Variants in PDE8A observed in about 807,000 individuals in gnomAD.
PDE8A encodes the protein high affinity cAMP-specific and IBMX-insensitive 3',5'-cyclic phosphodiesterase 8A.
In PDE8A, 59 loss-of-function variants were observed where a neutral mutation model predicts 105.0. The ratio of observed to expected loss-of-function variants is 0.56; its 90% confidence interval spans 0.46 to 0.70. The LOEUF (loss-of-function observed/expected upper bound fraction) is 0.70, where lower values mean the gene tolerates loss of function less well. Among genes scored for constraint, PDE8A ranks in the 30% least tolerant of loss-of-function variants. PDE8A has a pLI of 0.00. For synonymous variants in PDE8A, 355 were observed against 371.9 expected, an observed-to-expected ratio of 0.95 and a Z score of 0.52; for missense variants, 1,014 against 1,045.9, an observed-to-expected ratio of 0.97 and a Z score of 0.42.
chr15:85,041,832 T>TC (rs2080813735), intron 1 of PDE8A, among the ~76,000 whole-genome samples: 1 of 152,170 alleles, frequency 6.6e-6, no homozygotes. Flanking sequence ...CATCCTAATG[T>TC]CCCCCATCCT....
intron 1 of PDE8A, chr15:85,062,390 G>A (rs1467626501): frequency 1.3e-5 from 2 of 152,130 alleles, no homozygotes; most frequent in Non-Finnish European, 2.9e-5. Context: ...AGTTTTCCCT[G>A]TATATGCCAT....
At chr15:85,038,253 G>T (rs1168693183) in intron 1 of PDE8A, among the ~76,000 whole-genome samples, 2 of 146,148 alleles carry the variant, frequency 1.4e-5, no homozygotes, top group African/African-American at 5.0e-5. Flanking sequence ...GTGTGTGTGT[G>T]TTTTACTAAT....
intron 1 of PDE8A, among the ~76,000 whole-genome samples, chr15:85,036,984 C>G (rs997229822): frequency 7.2e-5 from 11 of 152,158 alleles, no homozygotes; most frequent in African/African-American, 2.7e-4. Flanking sequence ...CAGTGGCAGG[C>G]TGCCCCTGCA....
chr15:85,009,284 G>T (rs1033458650), intron 1 of PDE8A, among the ~76,000 whole-genome samples: 1 of 152,156 alleles, frequency 6.6e-6, no homozygotes. Context: ...TAATGTAAGA[G>T]ATGTAAAAAC....
At chr15:85,038,219 GTGTGT>G (rs2080742242) in intron 1 of PDE8A, among the ~76,000 whole-genome samples, 1 of 2,728 alleles carries the variant, frequency 3.7e-4, no homozygotes, top group Non-Finnish European at 1.6e-3. Flanking sequence ...ATTGGGGGGT[GTGTGT>G]GTGTGTGTGT....
rs143338821 is a variant in PDE8A at position 85,057,801 on chromosome 15, G to T, written c.187-6569G>T. Among the ~76,000 whole-genome samples the T allele has an allele frequency of 5.3e-3, 814 of 152,290 alleles. 10 individuals are homozygous for T. Among genetic ancestry groups the T allele is most frequent in the African/African-American group, 0.018 (765 of 41,556 alleles). ...CTGCATTATTTGAGGTATAATGAAT[G>T]AGGCTTTTGTCCTTTATTCTGTACA... On this transcript the variant is annotated intron_variant, in intron 1 of 21. Coordinates refer to ENST00000394553, the MANE Select transcript of PDE8A (RefSeq NM_002605.3).
intron 11 of PDE8A, among the ~76,000 whole-genome samples, chr15:85,101,774 G>A (rs2081866126): frequency 6.6e-6 from 1 of 152,216 alleles, no homozygotes; most frequent in African/African-American, 2.4e-5. Context: ...TGTGATGATG[G>A]TGTGGGACTA....
intron 17 of PDE8A, chr15:85,120,271 T>C (rs1350502586): frequency 6.6e-6 from 1 of 152,168 alleles, no homozygotes; most frequent in Non-Finnish European, 1.5e-5. Context: ...TTAAGGAATT[T>C]TTCCATGTTA....
At chr15:85,083,373 A>G (rs1238189124) in intron 5 of PDE8A, among the ~76,000 whole-genome samples, 183 bp from the exon 6 acceptor site, 3 of 152,036 alleles carry the variant, frequency 2.0e-5, no homozygotes, top group Non-Finnish European at 2.9e-5. Context: ...CTTAAACCCT[A>G]TTTTTTAAAA....
intron 1 of PDE8A, among the ~76,000 whole-genome samples, chr15:85,048,652 T>C (rs951697215): frequency 2.6e-5 from 4 of 152,244 alleles, no homozygotes; most frequent in Non-Finnish European, 4.4e-5. Context: ...CATTTGCTCA[T>C]TGCTTTAAAC....
At chr15:85,059,491 A>G (rs11856381) in intron 1 of PDE8A, among the ~76,000 whole-genome samples, 13,758 of 152,194 alleles carry the variant, frequency 0.09, 1,285 homozygotes, top group African/African-American at 0.24. Flanking sequence ...TTTACTTTAT[A>G]TATTTTAATG....
intron 1 of PDE8A, among the ~76,000 whole-genome samples, chr15:85,045,158 G>A (rs1284142607): frequency 6.6e-6 from 1 of 152,128 alleles, no homozygotes. Context: ...CTGCCTCAGA[G>A]GGGCCTTCCT....
intron 1 of PDE8A, among the ~76,000 whole-genome samples, chr15:84,995,109 A>G (rs2079953755): frequency 6.6e-6 from 1 of 152,200 alleles, no homozygotes; most frequent in Admixed American, 6.5e-5. Flanking sequence ...TATTTAGTGT[A>G]TATTTGCTGA....
chr15:84,996,440 A>G (rs1245026572), intron 1 of PDE8A, among the ~76,000 whole-genome samples: 2 of 152,196 alleles, frequency 1.3e-5, no homozygotes, highest in African/African-American at 4.8e-5. Context: ...TTAGCCTCTC[A>G]AAATGCTGAG....
At chr15:84,981,308 T>C (rs2079703348), upstream of PDE8A, among the ~76,000 whole-genome samples, 1 of 152,166 alleles carries the variant, frequency 6.6e-6, no homozygotes, top group African/African-American at 2.4e-5. Flanking sequence ...CTGCTTTGCA[T>C]TGACGCCAGC....
chr15:85,077,692 C>A (rs117874797), intron 5 of PDE8A, among the ~76,000 whole-genome samples: 4,707 of 152,204 alleles, frequency 0.031, 109 homozygotes, highest in Non-Finnish European at 0.051. Context: ...GACCCTCACA[C>A]CCCTCAGAGA....
intron 1 of PDE8A, among the ~76,000 whole-genome samples, chr15:85,017,130 G>A (rs966073169): frequency 1.2e-4 from 18 of 151,064 alleles, no homozygotes; most frequent in African/African-American, 3.9e-4. Flanking sequence ...GCGCGGTGGC[G>A]GGCGCCTGTA....
chr15:85,091,053 C>A lies in PDE8A; in HGVS notation c.724C>A (p.Pro242Thr). The change falls in exon 8 of 22, where the codon CCT (proline) becomes ACT (threonine). Residue 242 changes from proline (P) to threonine (T), a missense_variant. Transcript: ENST00000394553. ...TTTTGTCTCCCTTCAGTATGCAAAT[C>A]CTGCATTTGAAACAACAATGGGCTA... ...SEDRFIQYANPAFETTMGYQS... is the reference protein window; with the variant it reads ...SEDRFIQYANTAFETTMGYQS... 1 of 1,607,424 alleles carries A rather than the reference C, an allele frequency of 6.2e-7. No homozygotes were observed. The highest frequency in any genetic ancestry group is 8.5e-7 in the Non-Finnish European group (1 of 1,177,312).
chr15:84,984,417 A>G (rs1389646090), intron 1 of PDE8A, among the ~76,000 whole-genome samples: 1 of 152,244 alleles, frequency 6.6e-6, no homozygotes, highest in South Asian at 2.1e-4. Context: ...AGAGAAGGCA[A>G]ACTGCTAGCA....
Sources: allele counts gnomAD v4.1 joint callset (sites outside exome capture counted in the v4.1 genomes callset), GRCh38; gene constraint gnomAD v4.1.1; transcripts MANE v1.5; gene names NCBI Gene and HGNC (gene_info 2026-07-23, HGNC 2026-07-21).